NLRP8: variants seen among roughly 807,000 people sequenced by gnomAD.
NLRP8 encodes NACHT, LRR and PYD domains-containing protein 8.
In NLRP8, 86 loss-of-function variants were observed where a neutral mutation model predicts 88.7. The ratio of observed to expected loss-of-function variants is 0.97; its 90% CI spans 0.81 to 1.16. The LOEUF is 1.16. NLRP8 is among the 50% of genes most tolerant of loss of function. The pLI is 0.00. For synonymous variants in NLRP8, 504 were observed against 494.6 expected (o/e 1.02, Z -0.25); for missense variants, 1,342 against 1,286.5 (o/e 1.04, Z -0.66).
intron 3 of NLRP8, among the ~76,000 whole-genome samples, chr19:55,958,343 T>C (rs986017035): frequency 4.6e-5 from 7 of 152,250 alleles, no homozygotes; most frequent in Admixed American, 2.6e-4. Flanking sequence ...AGTGTGTGGA[T>C]AGATAAGTAA....
At chr19:55,960,897 C>CTTTTTTTT (rs36087472) in intron 3 of NLRP8, among the ~76,000 whole-genome samples, 40 of 91,018 alleles carry the variant, frequency 4.4e-4, no homozygotes, top group South Asian at 8.6e-4. Context: ...AACTATTTCT[C>CTTTTTTTT]TTTTTTTTTT....
chr19:55,973,875 T>C, intron 7 of NLRP8, 53 bp downstream of exon 7: 2 of 1,519,642 alleles, frequency 1.3e-6, no homozygotes, highest in Non-Finnish European at 1.8e-6. Context: ...AACAGGGTGA[T>C]GAAGAGAACC....
chr19:55,968,933 C>T (rs1979958624), intron 5 of NLRP8, among the ~76,000 whole-genome samples: 2 of 152,062 alleles, frequency 1.3e-5, no homozygotes, highest in East Asian at 1.9e-4. Context: ...CACTACTCTG[C>T]ACCTCCTCCC....
rs1979428549 is a variant in NLRP8 at position 55,957,676 on chromosome 19, TATATATATATATATA to T, written c.2042+1577_2042+1591del. On this transcript the variant is annotated intron_variant, in intron 3 of 9. Coordinates refer to ENST00000291971, the MANE Select transcript of NLRP8 (RefSeq NM_176811.2). ...CTTAAAAAAGAAAAAATAATAATTA[TATATATATATATATA>T]TATATATATATATATATATATATAT... Among the ~76,000 whole-genome samples the T allele has an allele frequency of 1.9e-3, 4 of 2,098 alleles. No individual in the cohort carries two copies. In the East Asian group the frequency reaches 0.15, roughly 81 times the overall value. The allele number at this position is 2,098 out of a possible 152,430, so 1.4% of individuals were successfully genotyped here.
chr19:55,974,813 C>A (rs536809441), intron 7 of NLRP8, among the ~76,000 whole-genome samples: 2 of 151,708 alleles, frequency 1.3e-5, no homozygotes, highest in African/African-American at 4.8e-5. Context: ...TTGGCAGTTA[C>A]CCGAGAGACT....
At chr19:55,977,652 G>A (rs998840782) in intron 8 of NLRP8, among the ~76,000 whole-genome samples, 70 of 150,616 alleles carry the variant, frequency 4.6e-4, no homozygotes, top group African/African-American at 1.6e-3. Context: ...AAAAGCATTC[G>A]TTCTGTTTTT....
chr19:55,976,835 T>C (rs1435268355), intron 8 of NLRP8, among the ~76,000 whole-genome samples: 1 of 150,664 alleles, frequency 6.6e-6, no homozygotes, highest in African/African-American at 2.4e-5. Context: ...ATCCCAGCAC[T>C]TTGGGAGGCT....
intron 7 of NLRP8, among the ~76,000 whole-genome samples, chr19:55,975,515 C>T (rs1980271113): frequency 6.6e-6 from 1 of 152,278 alleles, no homozygotes; most frequent in African/African-American, 2.4e-5. Flanking sequence ...TCATAATACC[C>T]AAGACCTGGA....
Position 55,957,673 on chromosome 19 carries a change from T to TA in NLRP8, c.2042+1573_2042+1574insA, listed in dbSNP as rs1378405360. On this transcript the variant is annotated intron_variant, in intron 3 of 9. Transcript: ENST00000291971. ...TATCTTAAAAAAGAAAAAATAATAATTATATATATATATATATATATATAT... is the reference window on the plus strand; with the variant it reads ...TATCTTAAAAAAGAAAAAATAATAATATATATATATATATATATATATATAT... Among the ~76,000 whole-genome samples the TA allele has an allele frequency of 3.3e-3, 104 of 31,176 alleles. 5 individuals carry two copies. The highest frequency in any genetic ancestry group is 0.022 in the African/African-American group (93 of 4,152). The allele number at this position is 31,176 out of a possible 152,430, so 20.5% of individuals were successfully genotyped here. A position where few individuals can be genotyped will look rare whatever the true frequency, so the allele number is the denominator to read the frequency against.
Position 55,979,381 on chromosome 19 carries a change from T to C in NLRP8, c.2877-13T>C. On this transcript the variant is annotated splice_polypyrimidine_tract_variant and intron_variant, in intron 8 of 9. Transcript: ENST00000291971. ...GACTTCTCTGCTGTCTGCTGTCTGT[T>C]TCTGTGTCACAGGCTGGAAAACTGC... 6.2e-7 allele frequency: 1 copy of C among 1,613,100 alleles called. No individual in the cohort carries two copies. The highest frequency in any genetic ancestry group is 1.1e-5 in the South Asian group (1 of 91,026).
rs1423758799 is a variant in NLRP8 at position 55,955,443 on chromosome 19, T to C, written c.1385T>C (p.Met462Thr). The change falls in exon 3 of 10, where the codon ATG becomes ACG. Residue 462 changes from methionine (M) to threonine (T), a missense_variant. Transcript: ENST00000291971. ...CTGTGTCACTTGGCCGCAGACAGCA[T>C]GTGGCACAGGAAATGGGTGTTAGGT... 6.2e-7 allele frequency: 1 copy of C among 1,614,212 alleles called. No individual in the cohort carries two copies. Among genetic ancestry groups the C allele is most frequent in the Non-Finnish European group, 8.5e-7 (1 of 1,180,030 alleles).
chr19:55,987,426 A>G (rs1980900155), intron 9 of NLRP8, among the ~76,000 whole-genome samples: 1 of 152,224 alleles, frequency 6.6e-6, no homozygotes, highest in East Asian at 1.9e-4. Flanking sequence ...AGGATTAGCT[A>G]ATGTCTGGTC....
chr19:55,964,699 C>T (rs554660513), intron 4 of NLRP8, among the ~76,000 whole-genome samples: 1 of 151,418 alleles, frequency 6.6e-6, no homozygotes, highest in African/African-American at 2.4e-5. Context: ...TTGCAGTGAG[C>T]CGAGATTGCG....
chr19:55,953,694 T>G (rs915818672), intron 2 of NLRP8, among the ~76,000 whole-genome samples: 3 of 151,934 alleles, frequency 2.0e-5, no homozygotes, highest in African/African-American at 7.3e-5. Context: ...GAGATGGGGT[T>G]TCACCATGTT....
chr19:55,963,672 C>G (rs1421503599), intron 4 of NLRP8, among the ~76,000 whole-genome samples: 1 of 152,092 alleles, frequency 6.6e-6, no homozygotes, highest in African/African-American at 2.4e-5. Context: ...ACCTCAGCCT[C>G]TCGAGTAGCT....
chr19:55,961,758 A>G (rs1009444517), intron 3 of NLRP8, among the ~76,000 whole-genome samples: 4 of 152,232 alleles, frequency 2.6e-5, no homozygotes, highest in Non-Finnish European at 5.9e-5. Context: ...TGTTCAGACC[A>G]CTATACTCCA....
rs755808902 is a variant in NLRP8, at chr19:55,955,236, G to T, written c.1178G>T (p.Cys393Phe). 75 of 1,614,198 alleles carry T rather than the reference G, an allele frequency of 4.6e-5. 1 individual carries two copies. Among genetic ancestry groups the T allele is most frequent in the Middle Eastern group, 1.6e-4 (1 of 6,062 alleles). Residue 393 changes from cysteine (C) to phenylalanine (F), a missense_variant, in exon 3 of 10, where the codon TGC becomes TTC. Cys to Phe is a radical substitution (Grantham distance 205, BLOSUM62 -2). Coordinates refer to ENST00000291971, the MANE Select transcript of NLRP8 (RefSeq NM_176811.2). ...GAAAACACCATTCTCTTCTCCATGTGCCGGGTCCCTGTGGTTTGCTGGATG... is the reference window on the plus strand; with the variant it reads ...GAAAACACCATTCTCTTCTCCATGTTCCGGGTCCCTGTGGTTTGCTGGATG...
chr19:55,962,721 A>C (rs990535664), intron 4 of NLRP8, among the ~76,000 whole-genome samples: 1 of 152,180 alleles, frequency 6.6e-6, no homozygotes, highest in Non-Finnish European at 1.5e-5. Context: ...CAGAGGTTGC[A>C]GTGATGTTGA....
chr19:55,979,655 A>T (rs1980493169), intron 9 of NLRP8, 91 bp downstream of exon 9: 9 of 1,381,556 alleles, frequency 6.5e-6, no homozygotes, highest in South Asian at 1.3e-5. Context: ...GTAGTGGTGC[A>T]TGCCTGTAAT....
Sources: gnomAD v4.1 joint callset for allele counts (sites outside exome capture counted in the v4.1 genomes callset) on GRCh38, gnomAD v4.1.1 for gene constraint, MANE v1.5 for transcripts, NCBI Gene and HGNC (gene_info 2026-07-23, HGNC 2026-07-21) for gene names.